The following IGBP1C variants were observed in gnomAD, a reference collection of about 807,000 sequenced individuals.
IGBP1C encodes IGBP1 family member C.
chr17:58,660,787 GTCAC>G, the IGBP1C span: 1 of 781,306 alleles, frequency 1.3e-6, no homozygotes, highest in Non-Finnish European at 2.4e-6. Context: ...GATCATACCA[GTCAC>G]TCACTGTCAT....
chr17:58,668,400 C>A, the IGBP1C span, among the ~76,000 whole-genome samples: 1 of 152,198 alleles, frequency 6.6e-6, no homozygotes, highest in Admixed American at 6.6e-5. Context: ...CCTGGAGGAG[C>A]TGCAGTAACT....
the IGBP1C span, among the ~76,000 whole-genome samples, chr17:58,688,450 G>C: frequency 6.6e-6 from 1 of 152,260 alleles, no homozygotes; most frequent in East Asian, 1.9e-4. Flanking sequence ...AAACGTCTCA[G>C]CATTAGCATT....
At chr17:58,666,291 T>C in the IGBP1C span, among the ~76,000 whole-genome samples, 1 of 151,526 alleles carries the variant, frequency 6.6e-6, no homozygotes, top group East Asian at 1.9e-4. Context: ...GAGGCTGCGG[T>C]GAGCCGAGAT....
chr17:58,678,887 C>T, the IGBP1C span, among the ~76,000 whole-genome samples: 1 of 151,262 alleles, frequency 6.6e-6, no homozygotes, highest in Non-Finnish European at 1.5e-5. Context: ...GGCGCCGTGG[C>T]TCACACCTGT....
chr17:58,663,422 C>CAA, the IGBP1C span, among the ~76,000 whole-genome samples: 647 of 57,806 alleles, frequency 0.011, 4 homozygotes, highest in African/African-American at 0.016. Flanking sequence ...AACTCCGTCT[C>CAA]AAAAAAAAAA....
At chr17:58,674,913 G>C in the IGBP1C span, among the ~76,000 whole-genome samples, 11 of 150,846 alleles carry the variant, frequency 7.3e-5, no homozygotes, top group African/African-American at 1.7e-4. Context: ...GGGAGGCTGA[G>C]GGGGGGTGCA....
chr17:58,670,152 G>A, the IGBP1C span, among the ~76,000 whole-genome samples: 4 of 152,170 alleles, frequency 2.6e-5, no homozygotes, highest in African/African-American at 9.7e-5. Context: ...CATAGTAAGA[G>A]TCCTTTAATT....
chr17:58,663,974 G>A, the IGBP1C span, among the ~76,000 whole-genome samples: 1 of 152,076 alleles, frequency 6.6e-6, no homozygotes, highest in African/African-American at 2.4e-5. Flanking sequence ...GTTTGGGAAG[G>A]TGGAGGCTGT....
At chr17:58,690,778 C>G in the IGBP1C span, among the ~76,000 whole-genome samples, 1 of 152,154 alleles carries the variant, frequency 6.6e-6, no homozygotes, top group African/African-American at 2.4e-5. Flanking sequence ...TTCTCGTATT[C>G]TCCCCGCCAG....
chr17:58,676,255 A>G, the IGBP1C span, among the ~76,000 whole-genome samples: 2 of 152,156 alleles, frequency 1.3e-5, no homozygotes, highest in Non-Finnish European at 2.9e-5. Flanking sequence ...AGGTGCCTGT[A>G]ATCCCAGCTA....
chr17:58,680,387 A>G, the IGBP1C span, among the ~76,000 whole-genome samples: 1 of 152,202 alleles, frequency 6.6e-6, no homozygotes, highest in East Asian at 1.9e-4. Context: ...CTGTCTTTCA[A>G]ACATGCAGCA....
At chr17:58,688,478 C>G in the IGBP1C span, among the ~76,000 whole-genome samples, 1 of 152,146 alleles carries the variant, frequency 6.6e-6, no homozygotes, top group African/African-American at 2.4e-5. Context: ...GCTAGGTATT[C>G]TATAAGGATT....
the IGBP1C span, among the ~76,000 whole-genome samples, chr17:58,672,844 G>C: frequency 6.6e-6 from 1 of 151,916 alleles, no homozygotes; most frequent in African/African-American, 2.4e-5. Context: ...CGATTCTCCT[G>C]CTTCAGCCTC....
At chr17:58,691,138 G>A in the IGBP1C span, among the ~76,000 whole-genome samples, 1 of 151,938 alleles carries the variant, frequency 6.6e-6, no homozygotes, top group Non-Finnish European at 1.5e-5. Flanking sequence ...TTACAGGCAC[G>A]AGCCACTGCG....
At chr17:58,662,413 TCTCACACACACACACA>T in the IGBP1C span, among the ~76,000 whole-genome samples, 120 of 127,740 alleles carry the variant, frequency 9.4e-4, no homozygotes, top group African/African-American at 3.6e-3. Context: ...AGCACACATA[TCTCACACACACACACA>T]CACACACACA....
chr17:58,682,131 T>C, the IGBP1C span, among the ~76,000 whole-genome samples: 1 of 151,938 alleles, frequency 6.6e-6, no homozygotes, highest in Non-Finnish European at 1.5e-5. Context: ...GTATTTTTTG[T>C]AGAGAGGGAG....
At chr17:58,690,776 T>A in the IGBP1C span, among the ~76,000 whole-genome samples, 2 of 152,196 alleles carry the variant, frequency 1.3e-5, no homozygotes, top group African/African-American at 4.8e-5. Context: ...GCTTCTCGTA[T>A]TCTCCCCGCC....
At chr17:58,675,677 G>A in the IGBP1C span, among the ~76,000 whole-genome samples, 2 of 152,146 alleles carry the variant, frequency 1.3e-5, no homozygotes, top group African/African-American at 4.8e-5. Context: ...TGTTCCAAGG[G>A]TATCTGCATT....
At chr17:58,667,814 G>A in the IGBP1C span, among the ~76,000 whole-genome samples, 3 of 151,856 alleles carry the variant, frequency 2.0e-5, no homozygotes, top group African/African-American at 7.3e-5. Flanking sequence ...GAACCCGGGA[G>A]GCGAAGGTTG....
Sources: gnomAD v4.1 joint callset for allele counts (sites outside exome capture counted in the v4.1 genomes callset) on GRCh38, gnomAD v4.1.1 for gene constraint, MANE v1.5 for transcripts, NCBI Gene and HGNC (gene_info 2026-07-23, HGNC 2026-07-21) for gene names.